The following MTHFS variants were observed in gnomAD, a reference collection of about 807,000 sequenced individuals.
MTHFS encodes methenyltetrahydrofolate synthetase, also known as 5-formyltetrahydrofolate cyclo-ligase.
Under a neutral mutation model 12.7 loss-of-function variants are expected in MTHFS, and 7 were observed. That is an observed-to-expected ratio of 0.55 (90% CI 0.31 to 1.03). The LOEUF (loss-of-function observed/expected upper bound fraction) is 1.03, where lower values mean the gene tolerates loss of function less well. Among genes scored for constraint, MTHFS ranks in the 50% least tolerant of loss-of-function variants. The pLI is 0.05. For synonymous variants in MTHFS, 100 were observed against 97.1 expected (o/e 1.03, Z -0.18); for missense variants, 252 against 258.1 (o/e 0.98, Z 0.16).
At chr15:79,882,767 T>C (rs1398782223) in intron 2 of MTHFS, among the ~76,000 whole-genome samples, 1 of 152,226 alleles carries the variant, frequency 6.6e-6, no homozygotes, top group Admixed American at 6.5e-5. Flanking sequence ...TAGCACACAG[T>C]AACAGGCAGG....
intron 1 of MTHFS, among the ~76,000 whole-genome samples, chr15:79,890,670 A>C (rs1035764561): frequency 5.9e-5 from 9 of 152,366 alleles, no homozygotes; most frequent in African/African-American, 2.2e-4. Context: ...TAGCTTATAA[A>C]TATGACTGGC....
intron 2 of MTHFS, among the ~76,000 whole-genome samples, chr15:79,872,869 G>A (rs1163270017): frequency 6.6e-6 from 1 of 152,162 alleles, no homozygotes; most frequent in African/African-American, 2.4e-5. Context: ...TTGGTCAGCA[G>A]TGTCGTGACC....
intron 2 of MTHFS, among the ~76,000 whole-genome samples, chr15:79,850,912 T>C (rs550196912): frequency 6.6e-6 from 1 of 152,312 alleles, no homozygotes; most frequent in Admixed American, 6.5e-5. Context: ...TTCTTATTAA[T>C]TCTGGCAGCG....
chr15:79,870,869 G>A (rs1049923048), intron 2 of MTHFS, among the ~76,000 whole-genome samples: 2 of 152,218 alleles, frequency 1.3e-5, no homozygotes, highest in African/African-American at 4.8e-5. Flanking sequence ...TTGGCCGGGC[G>A]TGGTGGCTCA....
rs2034579524 is a variant in MTHFS at position 79,896,728 on chromosome 15, C to A, written c.117+144G>T. ...CCACGACTAGGGGGCGTGCGCGCGCCGGGAGGGGAAACGTGCGCGCGCCGG... is the reference window on the plus strand; with the variant it reads ...CCACGACTAGGGGGCGTGCGCGCGCAGGGAGGGGAAACGTGCGCGCGCCGG... On this transcript the variant is annotated intron_variant, in intron 1 of 2. Transcript: ENST00000258874. 6.4e-6 allele frequency: 6 copies of A among 942,788 alleles called. No homozygotes were observed. In the Admixed American group the frequency reaches 1.3e-4, roughly 20 times the overall value. 58.4% of individuals were successfully genotyped at this position (942,788 alleles called of 1,614,324 possible).
At chr15:79,884,477 G>T (rs1232131593) in intron 2 of MTHFS, among the ~76,000 whole-genome samples, 1 of 152,124 alleles carries the variant, frequency 6.6e-6, no homozygotes, top group Admixed American at 6.5e-5. Flanking sequence ...GTACAGAAAG[G>T]TACTTTGGGA....
Position 79,872,281 on chromosome 15 carries a change from C to A in MTHFS, c.379+16812G>T, listed in dbSNP as rs909315069. Reference sequence around the variant, plus strand: ...TTAAGCACACTACAATGAAGAAATCCCATTTTCTCTGATCTAATTCTGTAA... The same window carrying A: ...TTAAGCACACTACAATGAAGAAATCACATTTTCTCTGATCTAATTCTGTAA... On this transcript the variant is annotated intron_variant, in intron 2 of 2. Transcript: ENST00000258874. Among the ~76,000 whole-genome samples, 15 of 152,162 alleles carry A rather than the reference C, an allele frequency of 9.9e-5. 1 individual carries two copies. Among genetic ancestry groups the A allele is most frequent in the African/African-American group, 1.9e-4 (8 of 41,494 alleles).
intron 2 of MTHFS, among the ~76,000 whole-genome samples, chr15:79,886,447 CCT>C (rs528296226): frequency 2.9e-3 from 441 of 152,216 alleles, no homozygotes; most frequent in African/African-American, 0.01. Context: ...TGGGTATAAT[CCT>C]CTATCCCTTT....
chr15:79,864,544 C>CAA (rs1566990932), intron 2 of MTHFS, among the ~76,000 whole-genome samples: 16 of 23,724 alleles, frequency 6.7e-4, no homozygotes, highest in African/African-American at 3.1e-3. Flanking sequence ...GACTCCATCT[C>CAA]AACAAAAAAA....
chr15:79,880,374 C>T lies in MTHFS; in HGVS notation c.379+8719G>A, dbSNP rs117394593. 7.9e-5 allele frequency among the ~76,000 whole-genome samples: 12 copies of T among 152,106 alleles called. 1 individual carries two copies. In the East Asian group the frequency reaches 2.1e-3, roughly 27 times the overall value. Reference sequence around the variant, plus strand: ...GGATTACAGGTGTGAGCCACTGCGCCCGGCCTCTGCTTGTTTATTTATGGA... The same window carrying T: ...GGATTACAGGTGTGAGCCACTGCGCTCGGCCTCTGCTTGTTTATTTATGGA... On this transcript the variant is annotated intron_variant, in intron 2 of 2. Coordinates refer to ENST00000258874, the MANE Select transcript of MTHFS (RefSeq NM_006441.4).
At chr15:79,850,416 T>A (rs1249663703) in intron 2 of MTHFS, among the ~76,000 whole-genome samples, 6 of 152,168 alleles carry the variant, frequency 3.9e-5, no homozygotes, top group Non-Finnish European at 8.8e-5. Context: ...AGAGAGTAAA[T>A]AATTTAGGCT....
At chr15:79,876,981 T>G (rs895622306) in intron 2 of MTHFS, 5 of 151,960 alleles carry the variant, frequency 3.3e-5, no homozygotes, top group Non-Finnish European at 7.3e-5. Context: ...GACCAGAGGT[T>G]GCAGTGAGCT....
intron 2 of MTHFS, among the ~76,000 whole-genome samples, chr15:79,849,865 T>C (rs559585728): frequency 6.6e-6 from 1 of 152,332 alleles, no homozygotes; most frequent in Non-Finnish European, 1.5e-5. Flanking sequence ...ATTCCAAAAC[T>C]ACAAAGCTAA....
chr15:79,897,268 A>C, upstream of MTHFS: 5 of 442,368 alleles, frequency 1.1e-5, no homozygotes, highest in Non-Finnish European at 2.0e-5. Context: ...CTGCCGCCTG[A>C]CCTCCCTGAG....
At chr15:79,847,100 T>G (rs1304621293) in intron 2 of MTHFS, among the ~76,000 whole-genome samples, 1 of 152,142 alleles carries the variant, frequency 6.6e-6, no homozygotes, top group African/African-American at 2.4e-5. Flanking sequence ...AAACGCTGGG[T>G]GGTCAGGGAA....
In MTHFS at chr15:79,896,968, G is replaced by A; in HGVS notation, c.21C>T (p.Ser7=). 1.3e-6 allele frequency: 2 copies of A among 1,532,096 alleles called. No homozygotes were observed. The highest frequency in any genetic ancestry group is 1.7e-6 in the Non-Finnish European group (2 of 1,144,548). 94.9% of individuals were successfully genotyped at this position (1,532,096 alleles called of 1,614,324 possible). Residue 7 remains serine (S), a synonymous_variant, in exon 1 of 3, where the codon AGC becomes AGT. Coordinates refer to ENST00000258874, the MANE Select transcript of MTHFS (RefSeq NM_006441.4). MAAAAV[S]SAKRSLRGEL... ...CTCCCCGCAGGCTCCGCTTGGCGCT[G>A]CTCACCGCTGCCGCCGCCATCTCAC...
intron 2 of MTHFS, among the ~76,000 whole-genome samples, chr15:79,856,692 C>A (rs2033809954): frequency 6.6e-6 from 1 of 151,980 alleles, no homozygotes; most frequent in Non-Finnish European, 1.5e-5. Context: ...TGTTGCACAG[C>A]AATGTGAATA....
At chr15:79,853,724 G>C (rs759074054) in intron 2 of MTHFS, among the ~76,000 whole-genome samples, 2 of 152,176 alleles carry the variant, frequency 1.3e-5, no homozygotes, top group East Asian at 1.9e-4. Context: ...AGAGCGGTCC[G>C]TAAGAAACTG....
At chr15:79,880,615 CA>C (rs891635364) in intron 2 of MTHFS, among the ~76,000 whole-genome samples, 16 of 145,062 alleles carry the variant, frequency 1.1e-4, no homozygotes, top group African/African-American at 1.5e-4. Flanking sequence ...CCAAACACAC[CA>C]AAAAAAAAAT....
Sources: gnomAD v4.1 joint callset for allele counts (sites outside exome capture counted in the v4.1 genomes callset) on GRCh38, gnomAD v4.1.1 for gene constraint, MANE v1.5 for transcripts, NCBI Gene and HGNC (gene_info 2026-07-23, HGNC 2026-07-21) for gene names.